Variants in BLK observed in about 807,000 individuals in gnomAD.
The protein encoded by BLK is tyrosine-protein kinase Blk.
In BLK, 64 loss-of-function variants were observed where a neutral mutation model predicts 61.8. That is an observed-to-expected ratio of 1.03 (90% CI 0.85 to 1.27). The LOEUF (loss-of-function observed/expected upper bound fraction) is 1.27. Among genes scored for constraint, BLK ranks in the 50% most tolerant of loss-of-function variants. The pLI is 0.00. For missense variants in BLK, 853 were observed against 660.5 expected (o/e 1.29, Z -3.19); for synonymous variants, 351 against 272.0 (o/e 1.29, Z -2.86).
chr8:11,494,989 G>A, intron 1 of BLK, among the ~76,000 whole-genome samples: 1 of 152,224 alleles, frequency 6.6e-6, no homozygotes, highest in East Asian at 1.9e-4. Context: ...GAGGTTAGTG[G>A]TCACAGGCGG....
chr8:11,540,988 G>A (rs578165132), intron 1 of BLK, among the ~76,000 whole-genome samples: 15 of 152,276 alleles, frequency 9.9e-5, no homozygotes, highest in East Asian at 9.6e-4. Flanking sequence ...AAATAGGGCC[G>A]AGTGTGATGG....
At chr8:11,554,924 T>G (rs1936844274) in intron 7 of BLK, 35 bp downstream of exon 7, 2 of 1,606,410 alleles carry the variant, frequency 1.2e-6, no homozygotes, top group Non-Finnish European at 1.7e-6. Context: ...CAGGGACTTG[T>G]GCCAAGAGCC....
chr8:11,544,366 C>A (rs1800523342), intron 2 of BLK, among the ~76,000 whole-genome samples: 1 of 152,200 alleles, frequency 6.6e-6, no homozygotes, highest in Admixed American at 6.5e-5. Context: ...GACCCCCTCT[C>A]CTGTGCTGTC....
intron 1 of BLK, among the ~76,000 whole-genome samples, chr8:11,534,681 T>C (rs1800036939): frequency 6.6e-6 from 1 of 152,160 alleles, no homozygotes; most frequent in East Asian, 1.9e-4. Context: ...TTTAAAAAAT[T>C]GAAATGGCCA....
intron 3 of BLK, 39 bp from the exon 4 acceptor site, chr8:11,547,993 G>A (rs1800720351): frequency 6.4e-7 from 1 of 1,567,566 alleles, no homozygotes; most frequent in African/African-American, 1.4e-5. Flanking sequence ...TCCCGCTTGT[G>A]GGCCTGAGTG....
intron 10 of BLK, chr8:11,560,921 G>A (rs577470663): frequency 2.1e-5 from 10 of 474,220 alleles, no homozygotes; most frequent in Non-Finnish European, 4.2e-5. Flanking sequence ...AGTGAGAGCT[G>A]CCTGTCCTTG....
chr8:11,505,068 A>G (rs1798718250), intron 1 of BLK, among the ~76,000 whole-genome samples: 1 of 152,212 alleles, frequency 6.6e-6, no homozygotes, highest in Non-Finnish European at 1.5e-5. Flanking sequence ...ACAGACATGT[A>G]GAAATACCTA....
intron 1 of BLK, among the ~76,000 whole-genome samples, chr8:11,536,710 T>C (rs1020499879): frequency 1.3e-5 from 2 of 152,208 alleles, no homozygotes; most frequent in Non-Finnish European, 2.9e-5. Flanking sequence ...CTGGCCAATA[T>C]TCTTGACTTT....
intron 3 of BLK, 149 bp from the exon 4 acceptor site, chr8:11,547,883 G>A (rs889655363): frequency 2.6e-5 from 19 of 738,636 alleles, no homozygotes; most frequent in Admixed American, 8.1e-5. Context: ...GGGGTCACAG[G>A]GCTGGGGGTG....
intron 4 of BLK, 71 bp from the exon 5 acceptor site, chr8:11,548,953 G>C: frequency 2.2e-6 from 3 of 1,356,952 alleles, no homozygotes; most frequent in Middle Eastern, 1.8e-4. Context: ...ACTTTGAGGA[G>C]GCCTGAGAGC....
At chr8:11,527,679 T>G (rs1297444715) in intron 1 of BLK, among the ~76,000 whole-genome samples, 4 of 151,522 alleles carry the variant, frequency 2.6e-5, no homozygotes, top group Admixed American at 6.6e-5. Context: ...CCCTTGTGAG[T>G]GAGTACTCCT....
intron 12 of BLK, 104 bp from the exon 13 acceptor site, chr8:11,563,799 G>A (rs1029723892): frequency 1.0e-5 from 12 of 1,144,370 alleles, no homozygotes; most frequent in African/African-American, 3.1e-5. Context: ...TGTGGGCACT[G>A]CTGTCCCTTG....
intron 6 of BLK, chr8:11,553,596 A>G (rs950990946): frequency 1.4e-5 from 3 of 207,014 alleles, no homozygotes; most frequent in South Asian, 7.1e-5. Context: ...AAATGGAGAG[A>G]AAAGCCCTTG....
chr8:11,499,497 G>A (rs145233752), intron 1 of BLK, among the ~76,000 whole-genome samples: 2 of 152,346 alleles, frequency 1.3e-5, no homozygotes, highest in East Asian at 3.9e-4. Flanking sequence ...TCCTGAGTCA[G>A]ATGTGGGCAT....
chr8:11,534,066 A>C (rs1458751147), intron 1 of BLK, among the ~76,000 whole-genome samples: 1 of 152,192 alleles, frequency 6.6e-6, no homozygotes, highest in East Asian at 1.9e-4. Flanking sequence ...CACTGGGGGC[A>C]TTTTTTAAAA....
intron 9 of BLK, among the ~76,000 whole-genome samples, chr8:11,557,652 G>A (rs1365385627): frequency 2.0e-5 from 3 of 152,178 alleles, no homozygotes; most frequent in East Asian, 1.9e-4. Flanking sequence ...ATGAAACTTC[G>A]AGTCAGAACT....
At chr8:11,501,643 T>A (rs1392683862) in intron 1 of BLK, among the ~76,000 whole-genome samples, 1 of 152,252 alleles carries the variant, frequency 6.6e-6, no homozygotes, top group Non-Finnish European at 1.5e-5. Context: ...TATGCAATAG[T>A]CTCTGTCCTA....
intron 3 of BLK, among the ~76,000 whole-genome samples, chr8:11,546,988 C>T (rs989476196): frequency 6.6e-6 from 1 of 152,226 alleles, no homozygotes; most frequent in Non-Finnish European, 1.5e-5. Flanking sequence ...GGGTGGCCTC[C>T]TTCAAAGTGA....
chr8:11,555,653 G>C (rs1801177269), intron 8 of BLK, 169 bp downstream of exon 8: 3 of 1,089,866 alleles, frequency 2.8e-6, no homozygotes, highest in African/African-American at 1.6e-5. Flanking sequence ...TGGAGGTGCA[G>C]AGCCGCGTTG....
Sources: gnomAD v4.1 joint callset for allele counts (sites outside exome capture counted in the v4.1 genomes callset) on GRCh38, gnomAD v4.1.1 for gene constraint, MANE v1.5 for transcripts, NCBI Gene and HGNC (gene_info 2026-07-23, HGNC 2026-07-21) for gene names.